UNC13C: variants seen among roughly 807,000 people sequenced by gnomAD.
UNC13C encodes the protein protein unc-13 homolog C.
A neutral mutation model predicts 245.4 loss-of-function variants in UNC13C; 174 were observed. That is an observed-to-expected ratio of 0.71 (90% CI 0.63 to 0.80). The LOEUF is 0.80. Ranked by LOEUF, UNC13C falls within the 30% of genes least tolerant of loss-of-function variation. The probability of loss-of-function intolerance (pLI) is 0.00; values close to 1 mark genes in which losing one functional copy is unlikely to be tolerated. For synonymous variants in UNC13C, 992 were observed against 895.1 expected (o/e 1.11, Z -1.93); for missense variants, 2,829 against 2,602.9 (o/e 1.09, Z -1.89).
chr15:54,127,741 ATATATTTCATATATATT>A (rs2031148384), intron 2 of UNC13C, among the ~76,000 whole-genome samples: 1 of 119,014 alleles, frequency 8.4e-6, no homozygotes, highest in Non-Finnish European at 1.7e-5. Context: ...TATATTAAAT[ATATATTTCATATATATT>A]TATGTATAAT....
chr15:54,562,222 T>C (rs1026344856), intron 29 of UNC13C, among the ~76,000 whole-genome samples: 4 of 152,010 alleles, frequency 2.6e-5, no homozygotes, highest in African/African-American at 9.7e-5. Flanking sequence ...AGCATTCACA[T>C]AGCTCTTCCA....
At chr15:54,329,085 T>G (rs1019069454) in intron 14 of UNC13C, among the ~76,000 whole-genome samples, 55 of 61,014 alleles carry the variant, frequency 9.0e-4, no homozygotes, top group Middle Eastern at 6.9e-3. Context: ...AACCAAGTTT[T>G]TTTTTTTTTT....
Position 54,012,914 on chromosome 15 carries a change from A to C in UNC13C, c.11A>C (p.Asn4Thr). 6.3e-7 allele frequency: 1 copy of C among 1,596,540 alleles called. No individual in the cohort carries two copies. The highest frequency in any genetic ancestry group is 8.5e-7 in the Non-Finnish European group (1 of 1,172,526). Residue 4 changes from asparagine to threonine, a missense_variant, in exon 2 of 33, where the codon AAT (asparagine) becomes ACT (threonine). Transcript: ENST00000260323. MVA[N>T]FFKSLILPYI... Reference sequence around the variant, plus strand: ...CACTAATTGCTCTCCATGGTGGCTAATTTTTTCAAGAGCTTGATTTTACCT... The same window carrying C: ...CACTAATTGCTCTCCATGGTGGCTACTTTTTTCAAGAGCTTGATTTTACCT...
the UNC13C span, among the ~76,000 whole-genome samples, chr15:53,852,430 G>C: frequency 7.9e-5 from 12 of 152,130 alleles, no homozygotes; most frequent in Non-Finnish European, 1.5e-4. Context: ...TTTCCTAGAA[G>C]TTTTCCCTAG....
chr15:54,141,622 T>C (rs1396881282), intron 2 of UNC13C, among the ~76,000 whole-genome samples: 1 of 152,252 alleles, frequency 6.6e-6, no homozygotes, highest in East Asian at 1.9e-4. Flanking sequence ...CCAATTGATA[T>C]GTCATATTAG....
At chr15:54,468,752 A>T (rs1024399607) in intron 19 of UNC13C, among the ~76,000 whole-genome samples, 17 of 151,600 alleles carry the variant, frequency 1.1e-4, no homozygotes, top group Non-Finnish European at 1.5e-5. Context: ...AAATAAATTG[A>T]CTATAAATAT....
chr15:54,172,523 T>C (rs971625578), intron 4 of UNC13C, among the ~76,000 whole-genome samples: 2 of 151,418 alleles, frequency 1.3e-5, no homozygotes, highest in African/African-American at 2.4e-5. Context: ...GCCTTTTTCT[T>C]GATGAGTAGT....
chr15:53,925,115 G>A, the UNC13C span, among the ~76,000 whole-genome samples: 1 of 152,104 alleles, frequency 6.6e-6, no homozygotes, highest in Non-Finnish European at 1.5e-5. Context: ...ACAGAAAAAG[G>A]GGAATCTGTT....
At chr15:54,613,488 GTGAAA>G in intron 30 of UNC13C, among the ~76,000 whole-genome samples, 1 of 151,768 alleles carries the variant, frequency 6.6e-6, no homozygotes, top group Non-Finnish European at 1.5e-5. Context: ...ACAATACCTA[GTGAAA>G]TAAAACTGTA....
Position 54,512,797 on chromosome 15 carries a change from T to G in UNC13C, c.5457+967T>G, listed in dbSNP as rs146284121. Among the ~76,000 whole-genome samples, 212 of 152,326 alleles carry G rather than the reference T, an allele frequency of 1.4e-3. 2 individuals carry two copies. Among genetic ancestry groups the G allele is most frequent in the Admixed American group, 6.5e-3 (99 of 15,280 alleles). On this transcript the variant is annotated intron_variant, in intron 24 of 32. Coordinates refer to ENST00000260323, the MANE Select transcript of UNC13C (RefSeq NM_001080534.3). ...GTAAATATCCCTTTTATTTCTAAAC[T>G]TATGTGACTACAAATGTTTCTTTTA...
intron 4 of UNC13C, among the ~76,000 whole-genome samples, chr15:54,199,005 G>T (rs898510161): frequency 6.6e-6 from 1 of 151,816 alleles, no homozygotes; most frequent in East Asian, 1.9e-4. Context: ...AACAATTACA[G>T]CTTCTGGAAA....
chr15:54,303,534 G>A (rs148203115), intron 13 of UNC13C, among the ~76,000 whole-genome samples: 41 of 152,038 alleles, frequency 2.7e-4, no homozygotes, highest in East Asian at 1.9e-4. Flanking sequence ...CACATAGATC[G>A]TTGGAAAGAG....
the UNC13C span, among the ~76,000 whole-genome samples, chr15:53,946,218 C>A: frequency 6.6e-6 from 1 of 151,956 alleles, no homozygotes; most frequent in African/African-American, 2.4e-5. Context: ...ATTTGGATGC[C>A]CTTTATTTCT....
At chr15:54,584,810 C>T (rs1318507126) in intron 30 of UNC13C, among the ~76,000 whole-genome samples, 1 of 152,186 alleles carries the variant, frequency 6.6e-6, no homozygotes, top group Non-Finnish European at 1.5e-5. Flanking sequence ...TGAGACCGGG[C>T]TTCAGGGTGA....
rs1234449519 is a variant in UNC13C at position 54,342,764 on chromosome 15, G to A, written c.4713+4275G>A. The stretch of plus-strand genomic sequence containing the variant: ...TAGGTTTCATATAGTATATTTCTGG[G>A]GTCACTGTTTTTTGTTTTTGTTTTT... On this transcript the variant is annotated intron_variant, in intron 17 of 32. Coordinates refer to ENST00000260323, the MANE Select transcript of UNC13C (RefSeq NM_001080534.3). Among the ~76,000 whole-genome samples the A allele has an allele frequency of 2.0e-5, 3 of 151,866 alleles. No homozygotes were observed. In the East Asian group the frequency reaches 5.9e-4, roughly 30 times the overall value.
At chr15:54,605,119 T>C (rs1283340046) in intron 30 of UNC13C, among the ~76,000 whole-genome samples, 3 of 152,110 alleles carry the variant, frequency 2.0e-5, no homozygotes, top group Non-Finnish European at 4.4e-5. Context: ...TGCTGGGTAG[T>C]AAAGCTGGAG....
In UNC13C at chr15:54,014,157, G is replaced by A. The variant is rs1895522815; in HGVS notation, c.1254G>A (p.Glu418=). 3.7e-6 allele frequency: 6 copies of A among 1,613,676 alleles called. No homozygotes were observed. The highest frequency in any genetic ancestry group is 1.7e-5 in the Admixed American group (1 of 59,964). The change falls in exon 2 of 33, where the codon GAG becomes GAA. Residue 418 remains glutamate, a synonymous_variant. Coordinates refer to ENST00000260323, the MANE Select transcript of UNC13C (RefSeq NM_001080534.3). ...ILTHDIRERK[E]KGIPSSQTYE... is the part of the protein sequence containing the mutation. ...CTCATGACATCAGAGAAAGAAAAGA[G>A]AAAGGGATACCATCCTCCCAGACAT...
At chr15:54,369,047 A>C (rs2039429294) in intron 17 of UNC13C, among the ~76,000 whole-genome samples, 1 of 152,140 alleles carries the variant, frequency 6.6e-6, no homozygotes, top group Non-Finnish European at 1.5e-5. Context: ...GTTCAAGTAT[A>C]ACTTATAAAG....
In UNC13C at chr15:54,374,932, G is replaced by C. The variant is rs1354749627; in HGVS notation, c.4714-18116G>C. ...CCATGATAGAGCTGATCATTTATTT[G>C]TACTGCTCTATAAGAATTTAATTCT... is the stretch of plus-strand genomic sequence containing the variant. On this transcript the variant is annotated intron_variant, in intron 17 of 32. Transcript: ENST00000260323. Among the ~76,000 whole-genome samples the C allele has an allele frequency of 4.6e-5, 7 of 152,328 alleles. No individual in the cohort carries two copies. In the East Asian group the frequency reaches 1.4e-3, roughly 29 times the overall value.
Sources: allele counts gnomAD v4.1 joint callset (sites outside exome capture counted in the v4.1 genomes callset), GRCh38; gene constraint gnomAD v4.1.1; transcripts MANE v1.5; gene names NCBI Gene and HGNC (gene_info 2026-07-23, HGNC 2026-07-21).